The following VWCE variants were observed in gnomAD, a reference collection of about 807,000 sequenced individuals.
VWCE encodes von Willebrand factor C and EGF domain-containing protein.
A neutral mutation model predicts 102.9 loss-of-function variants in VWCE; 68 were observed. The observed-to-expected ratio is 0.66, with a 90% CI of 0.54 to 0.81. VWCE has a LOEUF of 0.81. Among genes scored for constraint, VWCE ranks in the 30% least tolerant of loss-of-function variants. The pLI, the probability that VWCE is intolerant of heterozygous loss-of-function variation, is 0.00. For missense variants in VWCE, 1,137 were observed against 1,263.6 expected (o/e 0.90, Z 1.52); for synonymous variants, 497 against 515.4 (o/e 0.96, Z 0.48).
Position 61,258,761 on chromosome 11 carries a change from G to A in VWCE, c.2782C>T (p.Leu928Phe). ...GTGGTGGCTGCAAGGGCTGTGGAGAGTCTAGAGGTGGTGGGAGAAAGCACG... is the reference window on the plus strand; with the variant it reads ...GTGGTGGCTGCAAGGGCTGTGGAGAATCTAGAGGTGGTGGGAGAAAGCACG... ...PRVLSPTTSRLSTALAATTHP... is the reference protein window; with the variant it reads ...PRVLSPTTSRFSTALAATTHP... Residue 928 changes from leucine (L) to phenylalanine (F), a missense_variant, in exon 20 of 20, where the codon CTC (leucine) becomes TTC (phenylalanine). Leu to Phe is a conservative substitution (Grantham distance 22). Transcript: ENST00000335613. 1 of 1,490,998 alleles carries A rather than the reference G, an allele frequency of 6.7e-7. No homozygotes were observed. 92.4% of individuals were successfully genotyped at this position (1,490,998 alleles called of 1,614,324 possible).
intron 15 of VWCE, among the ~76,000 whole-genome samples, chr11:61,268,072 T>G (rs1854564642): frequency 6.6e-6 from 1 of 151,194 alleles, no homozygotes; most frequent in South Asian, 2.1e-4. Flanking sequence ...AGGGGAAGCT[T>G]TAAAAAAATA....
chr11:61,273,140 G>A (rs1264445404), intron 13 of VWCE, 59 bp downstream of exon 13: 8 of 1,547,444 alleles, frequency 5.2e-6, no homozygotes, highest in Non-Finnish European at 7.1e-6. Context: ...AGCAGGTGAA[G>A]CTCAGCCTCT....
At chr11:61,283,022 C>A (rs924846386) in intron 5 of VWCE, 117 bp from the exon 6 acceptor site, 3 of 835,100 alleles carry the variant, frequency 3.6e-6, no homozygotes, top group Non-Finnish European at 6.1e-6. Context: ...TGGGGAACCA[C>A]CTTAGCTGCC....
At chr11:61,281,958 C>A in intron 6 of VWCE, 44 bp from the exon 7 acceptor site, 1 of 1,587,678 alleles carries the variant, frequency 6.3e-7, no homozygotes, top group South Asian at 1.1e-5. Context: ...GTTTGGGCTA[C>A]GGAGCCCTTC....
rs1854283372 is a variant in VWCE, at chr11:61,259,231, T to C, written c.2312A>G (p.His771Arg). The C allele has an allele frequency of 1.2e-6, 2 of 1,613,828 alleles. No homozygotes were observed. The highest frequency in any genetic ancestry group is 2.2e-5 in the East Asian group (1 of 44,870). Residue 771 changes from histidine (H) to arginine (R), a missense_variant, in exon 20 of 20, where the codon CAT (histidine) becomes CGT (arginine). Around this residue, in one of 5 missense-constraint regions of VWCE, gnomAD observed 316 missense variants for 319.3 expected, o/e 0.99. Transcript: ENST00000335613. ...GTTGACAGGGGCCTCAGTGTCTCCA[T>C]GCAGGCTCCGACCAGCTTTGCTGAA... The part of the protein sequence containing the change: ...VAFSKAGRSL[H>R]GDTEAPVNCS...
At position 61,290,893 on chromosome 11, in the gene VWCE, G is replaced by T. The variant is rs1212263094; in HGVS notation, c.330C>A (p.Asp110Glu). The T allele has an allele frequency of 1.2e-6, 2 of 1,613,864 alleles. No homozygotes were observed. Among genetic ancestry groups the T allele is most frequent in the Non-Finnish European group, 1.7e-6 (2 of 1,180,000 alleles). ...GACAGCCTCCATGGTTGCAGGTAAG[G>T]TCACAGCCGTACTCCCCACATGGTC... ...THGPCGEYGC[D>E]LTCNHGGCQE... The change falls in exon 4 of 20, where the codon GAC (aspartate) becomes GAA (glutamate). Residue 110 changes from aspartate (D) to glutamate (E), a missense_variant. Coordinates refer to ENST00000335613, the MANE Select transcript of VWCE (RefSeq NM_152718.2).
intron 18 of VWCE, 36 bp from the exon 19 acceptor site, chr11:61,264,613 G>C (rs765067718): frequency 6.3e-7 from 1 of 1,578,288 alleles, no homozygotes; most frequent in Admixed American, 1.8e-5. Context: ...AGGAAGCCCA[G>C]AGCATCTTGC....
chr11:61,279,498 G>C (rs1259222532), intron 9 of VWCE, among the ~76,000 whole-genome samples: 1 of 151,056 alleles, frequency 6.6e-6, no homozygotes, highest in Non-Finnish European at 1.5e-5. Context: ...AGAGGCGGAG[G>C]CTGCAGTGAG....
chr11:61,265,250 G>T, intron 16 of VWCE, 38 bp from the exon 17 acceptor site: 1 of 1,449,870 alleles, frequency 6.9e-7, no homozygotes, highest in Non-Finnish European at 9.1e-7. Flanking sequence ...CCTCGGTTCA[G>T]GGCAGCTGAC....
intron 19 of VWCE, among the ~76,000 whole-genome samples, chr11:61,261,521 T>A (rs907543032): frequency 2.0e-5 from 3 of 151,932 alleles, no homozygotes; most frequent in Non-Finnish European, 1.5e-5. Context: ...GGCGGGACGA[T>A]TGCTTGAGTC....
Position 61,295,147 on chromosome 11 carries a change from G to T in VWCE, c.-110C>A. 1.6e-6 allele frequency: 1 copy of T among 642,670 alleles called. No homozygotes were observed. Among genetic ancestry groups the T allele is most frequent in the Non-Finnish European group, 2.3e-6 (1 of 442,100 alleles). The allele number at this position is 642,670 out of a possible 1,614,324, so 39.8% of individuals were successfully genotyped here. ...CTGGCGCCGTGGGGAGCGAACCAGC[G>T]ATCCCCGAAATGGCACGCAGAGCTG... On this transcript the variant is annotated 5_prime_UTR_variant, in exon 1 of 20. Coordinates refer to ENST00000335613, the MANE Select transcript of VWCE (RefSeq NM_152718.2). The surrounding 1 kb of genome is among the most constrained non-coding windows in gnomAD (Gnocchi z 4.6).
intron 19 of VWCE, among the ~76,000 whole-genome samples, chr11:61,259,751 G>C (rs1854299835): frequency 6.6e-6 from 1 of 152,192 alleles, no homozygotes; most frequent in South Asian, 2.1e-4. Context: ...GTATCATGTG[G>C]AGTCTGAGGC....
At chr11:61,285,423 T>TA (rs2134832922) in intron 5 of VWCE, among the ~76,000 whole-genome samples, 1 of 152,154 alleles carries the variant, frequency 6.6e-6, no homozygotes, top group East Asian at 1.9e-4. Flanking sequence ...ACTGAAGAGG[T>TA]AGGATTCCTT....
In VWCE at chr11:61,281,814, C is replaced by G. The variant is rs1227588689; in HGVS notation, c.759G>C (p.Arg253Ser). ...SFLCTCRPGF[R>S]LRADRVSCEA... ...CACAGGACACGCGGTCAGCTCGGAG[C>G]CTGAAGCCAGGTCGGCATGTGCATA... Residue 253 changes from arginine to serine, a missense_variant, in exon 7 of 20, where the codon AGG becomes AGC. By Grantham distance (110) the Arg-to-Ser change is moderately radical. Around this residue, in one of 5 missense-constraint regions of VWCE, gnomAD observed 575 missense variants for 625.9 expected, o/e 0.92. Transcript: ENST00000335613. The G allele has an allele frequency of 6.2e-7, 1 of 1,613,738 alleles. No individual in the cohort carries two copies. The highest frequency in any genetic ancestry group is 1.1e-5 in the South Asian group (1 of 90,956).
intron 10 of VWCE, among the ~76,000 whole-genome samples, chr11:61,277,626 T>C (rs1854968636): frequency 6.6e-6 from 1 of 151,860 alleles, no homozygotes. Context: ...ATAAAGATGG[T>C]CAGAGGGTGG....
rs768275902 is a variant in VWCE at position 61,267,583 on chromosome 11, G to C, written c.1883-39C>G. 1.9e-6 allele frequency: 3 copies of C among 1,604,446 alleles called. No homozygotes were observed. In the East Asian group the frequency reaches 6.7e-5, roughly 36 times the overall value. On this transcript the variant is annotated intron_variant, in intron 15 of 19. Transcript: ENST00000335613. ...CATGCGCTGAGCACCAGCTGGGAGTGGCCAGGCACCAGGCTTCCCGCCAGG... is the reference window on the plus strand; with the variant it reads ...CATGCGCTGAGCACCAGCTGGGAGTCGCCAGGCACCAGGCTTCCCGCCAGG...
rs1183294756 is a variant in VWCE, at chr11:61,294,594, C to A, written c.110+334G>T. Among the ~76,000 whole-genome samples the A allele has an allele frequency of 1.3e-5, 2 of 152,128 alleles. No homozygotes were observed. The highest frequency in any genetic ancestry group is 2.9e-5 in the Non-Finnish European group (2 of 67,992). On this transcript the variant is annotated intron_variant, in intron 1 of 19. Transcript: ENST00000335613. The surrounding 1 kb of genome is among the most constrained non-coding windows in gnomAD (Gnocchi z 6.3). Reference sequence around the variant, plus strand: ...GCCACGGGCACGCTGGGGGGTGAGCCAGCCAGTCCGGAGACCAGATGGCAC... The same window carrying A: ...GCCACGGGCACGCTGGGGGGTGAGCAAGCCAGTCCGGAGACCAGATGGCAC...
Position 61,258,469 on chromosome 11 carries a change from C to T in VWCE, c.*206G>A, listed in dbSNP as rs762528147. 8 of 482,692 alleles carry T rather than the reference C, an allele frequency of 1.7e-5. No homozygotes were observed. Among genetic ancestry groups the T allele is most frequent in the Admixed American group, 8.9e-5 (2 of 22,582 alleles). The allele number at this position is 482,692 out of a possible 1,614,324, so 29.9% of individuals were successfully genotyped here. On this transcript the variant is annotated 3_prime_UTR_variant, in exon 20 of 20. Coordinates refer to ENST00000335613, the MANE Select transcript of VWCE (RefSeq NM_152718.2). ...CCAGGGAGGATGCTGACAGTGGAAACGACTTCCTCCATTCTTACAGCACAT... is the reference window on the plus strand; with the variant it reads ...CCAGGGAGGATGCTGACAGTGGAAATGACTTCCTCCATTCTTACAGCACAT...
intron 7 of VWCE, 81 bp downstream of exon 7, chr11:61,281,705 G>C: frequency 3.4e-6 from 5 of 1,480,938 alleles, no homozygotes; most frequent in Non-Finnish European, 3.6e-6. Flanking sequence ...ACGGGGAGGG[G>C]CCAGGCTATG....
Sources: gnomAD v4.1 joint callset for allele counts (sites outside exome capture counted in the v4.1 genomes callset) on GRCh38, gnomAD v4.1.1 for gene constraint, gnomAD v4.1.1 regional missense constraint, Gnocchi (gnomAD v3.1) non-coding constraint, MANE v1.5 for transcripts, NCBI Gene and HGNC (gene_info 2026-07-23, HGNC 2026-07-21) for gene names.